The following EIF2AK4 variants were observed in gnomAD, a reference collection of about 807,000 sequenced individuals.
EIF2AK4 encodes the protein eukaryotic translation initiation factor 2 alpha kinase 4, also known as eIF-2-alpha kinase GCN2.
Under a neutral mutation model 211.1 loss-of-function variants are expected in EIF2AK4, and 139 were observed. The observed-to-expected ratio is 0.66, with a 90% confidence interval of 0.57 to 0.76. The LOEUF (loss-of-function observed/expected upper bound fraction) is 0.76. Ranked by LOEUF, EIF2AK4 falls within the 30% of genes least tolerant of loss-of-function variation. EIF2AK4 has a pLI of 0.00. For missense variants in EIF2AK4, 1,664 were observed against 2,043.8 expected, an observed-to-expected ratio of 0.81 and a Z score of 3.58; for synonymous variants, 710 against 751.3, an observed-to-expected ratio of 0.94 and a Z score of 0.90.
rs748007652 is a variant in EIF2AK4 at position 39,949,213 on chromosome 15, G to C, written c.458G>C (p.Arg153Pro). The C allele has an allele frequency of 6.2e-7, 1 of 1,613,924 alleles. No homozygotes were observed. Among genetic ancestry groups the C allele is most frequent in the African/African-American group, 1.3e-5 (1 of 74,874 alleles). Residue 153 changes from arginine to proline, a missense_variant, in exon 4 of 39, where the codon CGG becomes CCG. By Grantham distance (103) the Arg-to-Pro change is moderately radical. Around this residue, in one of 7 missense-constraint regions of EIF2AK4, gnomAD observed 641 missense variants for 729.6 expected, o/e 0.88. Transcript: ENST00000263791. Reference protein sequence around the residue: ...KSFHEEMLERRAQEEQQRLLE... With the variant: ...KSFHEEMLERPAQEEQQRLLE... ...TTTCATGAAGAAATGCTGGAAAGGC[G>C]GGCTCAGGAGGAGCAGCAGAGGCTG...
intron 7 of EIF2AK4, among the ~76,000 whole-genome samples, chr15:39,963,662 G>T (rs573230351): frequency 6.6e-6 from 1 of 152,198 alleles, no homozygotes; most frequent in Admixed American, 6.5e-5. Flanking sequence ...TATGACTATA[G>T]CACTATAGAG....
chr15:40,005,851 G>A (rs184154812), intron 23 of EIF2AK4, among the ~76,000 whole-genome samples: 35 of 152,106 alleles, frequency 2.3e-4, no homozygotes, highest in African/African-American at 7.7e-4. Context: ...GATTACAGGC[G>A]TGAGCCACCG....
chr15:40,031,926 A>T (rs924907542), intron 35 of EIF2AK4, among the ~76,000 whole-genome samples: 5 of 152,160 alleles, frequency 3.3e-5, no homozygotes, highest in African/African-American at 1.2e-4. Flanking sequence ...GGGTTTCACC[A>T]TGTTGGCCAA....
At chr15:39,967,919 CTGTACTTTTGAT>C (rs1180550798) in intron 9 of EIF2AK4, 40 bp downstream of exon 9, 39 of 1,591,758 alleles carry the variant, frequency 2.5e-5, no homozygotes, top group Non-Finnish European at 3.3e-5. Context: ...CACTTTACTC[CTGTACTTTTGAT>C]TGTGCTGGAG....
At chr15:39,974,027 C>T (rs768692157) in intron 11 of EIF2AK4, 4 of 242,226 alleles carry the variant, frequency 1.7e-5, no homozygotes, top group Non-Finnish European at 2.4e-5. Flanking sequence ...TCAAGACCTC[C>T]ACAGAAAGAA....
chr15:39,944,432 C>CTT (rs55669603), intron 3 of EIF2AK4, among the ~76,000 whole-genome samples: 7 of 121,158 alleles, frequency 5.8e-5, no homozygotes, highest in South Asian at 2.8e-4. Context: ...TTAACGATCT[C>CTT]TTTTTTTTTT....
chr15:39,945,988 C>T (rs970203752), intron 3 of EIF2AK4, among the ~76,000 whole-genome samples: 5 of 152,154 alleles, frequency 3.3e-5, no homozygotes, highest in African/African-American at 4.8e-5. Context: ...TATTATTGCT[C>T]ATTGACAGCG....
chr15:40,023,105 A>G (rs2035416292), intron 32 of EIF2AK4, among the ~76,000 whole-genome samples: 1 of 152,216 alleles, frequency 6.6e-6, no homozygotes, highest in Non-Finnish European at 1.5e-5. Flanking sequence ...TAAAAAGCAA[A>G]ACAAACAAAA....
rs1468576245 is a variant in EIF2AK4 at position 39,934,164 on chromosome 15, C to T, written c.-32C>T. The stretch of plus-strand genomic sequence containing the variant: ...TGCCGGGGGCCCACCGCCGCCCAGG[C>T]AAGGCCGCCCTGCCTTGGGCGCAGC... On this transcript the variant is annotated 5_prime_UTR_variant, in exon 1 of 39. Coordinates refer to ENST00000263791, the MANE Select transcript of EIF2AK4 (RefSeq NM_001013703.4). The T allele has an allele frequency of 7.5e-7, 1 of 1,339,236 alleles. No individual in the cohort carries two copies. The highest frequency in any genetic ancestry group is 1.6e-5 in the African/African-American group (1 of 63,504). 83.0% of individuals were successfully genotyped at this position (1,339,236 alleles called of 1,614,324 possible).
At position 40,002,782 on chromosome 15, in the gene EIF2AK4, A is replaced by T; in HGVS notation, c.3229A>T (p.Arg1077Ter). The T allele has an allele frequency of 6.2e-7, 1 of 1,614,230 alleles. No homozygotes were observed. Among genetic ancestry groups the T allele is most frequent in the African/African-American group, 1.3e-5 (1 of 75,072 alleles). ...TGAAACCATCATCCGCATCTTTAAA[A>T]GACATGGTATGTACGCCCTTTTTAA... ...VCETIIRIFK[R>*]HGAVQLCTPL... Residue 1077 changes from arginine to a stop codon, truncating the protein, a stop_gained, in exon 22 of 39, where the codon AGA becomes TGA. Coordinates refer to ENST00000263791, the MANE Select transcript of EIF2AK4 (RefSeq NM_001013703.4). LOFTEE classifies it high-confidence loss of function.
At chr15:39,997,618 G>C in intron 19 of EIF2AK4, among the ~76,000 whole-genome samples, 1 of 152,184 alleles carries the variant, frequency 6.6e-6, no homozygotes, top group East Asian at 1.9e-4. Flanking sequence ...GAATGGGCCA[G>C]TTGTAGTAAC....
chr15:39,935,014 A>C (rs1169570685), intron 1 of EIF2AK4, among the ~76,000 whole-genome samples: 2 of 152,138 alleles, frequency 1.3e-5, no homozygotes, highest in African/African-American at 4.8e-5. Context: ...CACAAAATAC[A>C]CTAACACTAA....
At chr15:39,969,142 T>C (rs548632408) in intron 9 of EIF2AK4, among the ~76,000 whole-genome samples, 35 of 152,222 alleles carry the variant, frequency 2.3e-4, no homozygotes, top group South Asian at 1.5e-3. Flanking sequence ...TTTAGTGTTC[T>C]GCCTTCTTCA....
chr15:40,029,526 T>C (rs1267610616), intron 34 of EIF2AK4, 62 bp downstream of exon 34: 50 of 1,515,622 alleles, frequency 3.3e-5, no homozygotes, highest in Non-Finnish European at 4.5e-5. Flanking sequence ...AAGCACTTAT[T>C]ACTGTAGCTA....
At chr15:39,983,249 G>A (rs1286109520) in intron 13 of EIF2AK4, among the ~76,000 whole-genome samples, 1 of 152,196 alleles carries the variant, frequency 6.6e-6, no homozygotes, top group African/African-American at 2.4e-5. Flanking sequence ...TAACTGGAGT[G>A]AGATAGTATC....
At chr15:39,967,901 T>C in intron 9 of EIF2AK4, 22 bp downstream of exon 9, 39 of 1,609,590 alleles carry the variant, frequency 2.4e-5, no homozygotes, top group Non-Finnish European at 3.1e-5. Context: ...TGAGATTCTC[T>C]CTAATAGCAC....
Position 40,018,600 on chromosome 15 carries a change from G to A in EIF2AK4, c.4066-493G>A, listed in dbSNP as rs138004380. Among the ~76,000 whole-genome samples the A allele has an allele frequency of 2.1e-3, 327 of 152,264 alleles. 3 individuals carry two copies. The highest frequency in any genetic ancestry group is 0.016 in the Admixed American group (247 of 15,302). On this transcript the variant is annotated intron_variant, in intron 29 of 38. Coordinates refer to ENST00000263791, the MANE Select transcript of EIF2AK4 (RefSeq NM_001013703.4). ...GCCTTTCAAAGCACTGGGATTGCGGGTGTGAGCCACCACACCTGACCTGTA... is the reference window on the plus strand; with the variant it reads ...GCCTTTCAAAGCACTGGGATTGCGGATGTGAGCCACCACACCTGACCTGTA...
rs1480760616 is a variant in EIF2AK4 at position 39,967,679 on chromosome 15, A to T, written c.1353A>T (p.Ala451=). The T allele has an allele frequency of 6.2e-7, 1 of 1,614,222 alleles. No homozygotes were observed. The highest frequency in any genetic ancestry group is 1.7e-5 in the Admixed American group (1 of 60,020). The change falls in exon 9 of 39, where the codon GCA becomes GCT. Residue 451 remains alanine (A), a synonymous_variant. Transcript: ENST00000263791. ...ACTATAGCATTTCTAAGCGCCTCGC[A>T]GACATTTGCAAGGAGGATGTGTTTG... ...ITDYSISKRL[A]DICKEDVFEQ...
chr15:39,985,168 A>G (rs1299704583), intron 13 of EIF2AK4, among the ~76,000 whole-genome samples: 1 of 152,172 alleles, frequency 6.6e-6, no homozygotes, highest in Non-Finnish European at 1.5e-5. Context: ...TCATTTCTGT[A>G]TATTGAACCA....
Sources: allele counts gnomAD v4.1 joint callset (sites outside exome capture counted in the v4.1 genomes callset), GRCh38; gene constraint gnomAD v4.1.1; regional missense constraint gnomAD v4.1.1; transcripts MANE v1.5; gene names NCBI Gene and HGNC (gene_info 2026-07-23, HGNC 2026-07-21).